PDE8B: variants seen among roughly 807,000 people sequenced by gnomAD.
PDE8B encodes phosphodiesterase 8B.
A neutral mutation model predicts 101.3 loss-of-function variants in PDE8B; 26 were observed. The observed-to-expected ratio is 0.26, with a 90% CI of 0.19 to 0.36. The LOEUF (loss-of-function observed/expected upper bound fraction) is 0.36, where lower values mean the gene tolerates loss of function less well. Ranked by LOEUF, PDE8B falls within the 10% of genes least tolerant of loss-of-function variation. The pLI is 1.00. For synonymous variants in PDE8B, 424 were observed against 429.3 expected (o/e 0.99, Z 0.15); for missense variants, 810 against 1,163.1 (o/e 0.70, Z 4.42).
At chr5:77,334,516 TGTGCTAGGCATGCCGGGGGC>T (rs1321271351) in intron 5 of PDE8B, among the ~76,000 whole-genome samples, 1 of 152,182 alleles carries the variant, frequency 6.6e-6, no homozygotes, top group Non-Finnish European at 1.5e-5. Context: ...CTCTGTGCAA[TGTGCTAGGCATGCCGGGGGC>T]ACAACTGTAG....
intron 12 of PDE8B, among the ~76,000 whole-genome samples, chr5:77,405,830 T>G (rs1247168792): frequency 6.6e-6 from 1 of 152,192 alleles, no homozygotes; most frequent in Non-Finnish European, 1.5e-5. Context: ...CATTTGATTT[T>G]TATTTGGCAA....
intron 20 of PDE8B, among the ~76,000 whole-genome samples, chr5:77,424,215 G>A (rs1017487591): frequency 9.2e-5 from 14 of 152,000 alleles, no homozygotes; most frequent in Non-Finnish European, 1.5e-5. Flanking sequence ...GGGCTTCCCC[G>A]GACCCACAGA....
intron 11 of PDE8B, among the ~76,000 whole-genome samples, chr5:77,403,050 T>A (rs1792636777): frequency 6.6e-6 from 1 of 152,208 alleles, no homozygotes; most frequent in South Asian, 2.1e-4. Flanking sequence ...GTAATCTGTG[T>A]TATGGTTAAA....
chr5:77,351,501 G>A (rs1263009349), intron 9 of PDE8B, among the ~76,000 whole-genome samples: 2 of 152,106 alleles, frequency 1.3e-5, no homozygotes, highest in Non-Finnish European at 2.9e-5. Flanking sequence ...TGCATAGGGA[G>A]CCAACCTTTT....
intron 10 of PDE8B, among the ~76,000 whole-genome samples, chr5:77,390,054 A>G (rs974662772): frequency 1.4e-4 from 22 of 152,182 alleles, no homozygotes; most frequent in African/African-American, 4.8e-4. Flanking sequence ...CCCTCCAACT[A>G]TGTATGAGAG....
At chr5:77,269,263 A>G (rs1184672475) in intron 1 of PDE8B, among the ~76,000 whole-genome samples, 1 of 151,974 alleles carries the variant, frequency 6.6e-6, no homozygotes, top group African/African-American at 2.4e-5. Flanking sequence ...CCTGTTTGCC[A>G]TTTGTATTTC....
chr5:77,210,552 G>A (rs1241102489), upstream of PDE8B: 4 of 892,942 alleles, frequency 4.5e-6, no homozygotes, highest in Non-Finnish European at 5.4e-6. This position sits in a 1 kb window ranked among gnomAD's most constrained non-coding sequence, Gnocchi z 4.9. Flanking sequence ...GGGTGCGGGA[G>A]CCCGGCGAGG....
chr5:77,172,916 G>A, the PDE8B span, among the ~76,000 whole-genome samples: 32 of 152,286 alleles, frequency 2.1e-4, no homozygotes, highest in Middle Eastern at 3.4e-3. Flanking sequence ...CACCCAAACA[G>A]TATGTAAGCA....
chr5:77,092,399 A>T, the PDE8B span: 1 of 152,196 alleles, frequency 6.6e-6, no homozygotes, highest in Non-Finnish European at 1.5e-5. Flanking sequence ...AGCAAAAAAA[A>T]ACAACCTTCA....
At chr5:77,169,421 G>A in the PDE8B span, among the ~76,000 whole-genome samples, 4 of 152,164 alleles carry the variant, frequency 2.6e-5, no homozygotes, top group African/African-American at 9.7e-5. Context: ...GACCCCCAAC[G>A]TCTGAGGTGG....
chr5:77,114,399 A>G, the PDE8B span: 2 of 152,176 alleles, frequency 1.3e-5, no homozygotes, highest in African/African-American at 4.8e-5. Flanking sequence ...TTCTCAGCAA[A>G]CTATCACAAG....
the PDE8B span, among the ~76,000 whole-genome samples, chr5:77,094,916 C>T: frequency 3.3e-4 from 51 of 152,312 alleles, no homozygotes; most frequent in African/African-American, 1.2e-3. Context: ...CCCCATGACT[C>T]ACATACCTCC....
intron 10 of PDE8B, among the ~76,000 whole-genome samples, chr5:77,380,179 T>C (rs971518187): frequency 4.6e-5 from 7 of 152,312 alleles, no homozygotes; most frequent in Middle Eastern, 3.4e-3. Flanking sequence ...AAAAAGTGGA[T>C]CAAAAATTTC....
At chr5:77,097,719 A>ATCTATATATATATATC in the PDE8B span, among the ~76,000 whole-genome samples, 1 of 43,232 alleles carries the variant, frequency 2.3e-5, no homozygotes, top group African/African-American at 4.6e-5. Flanking sequence ...ATATATATAT[A>ATCTATATATATATATC]TATATATATA....
At chr5:77,180,878 T>G in the PDE8B span, among the ~76,000 whole-genome samples, 3 of 152,148 alleles carry the variant, frequency 2.0e-5, no homozygotes, top group Non-Finnish European at 4.4e-5. Flanking sequence ...GTGGGGCCCC[T>G]GCATTCCTCC....
chr5:77,329,014 A>G lies in PDE8B; in HGVS notation c.607A>G (p.Asn203Asp), dbSNP rs745826346. Reference sequence around the variant, plus strand: ...TCATTGCAGGTCGATCCGGGCCACAAATCCCTCCGAGCACACGGTGATCCT... The same window carrying G: ...TCATTGCAGGTCGATCCGGGCCACAGATCCCTCCGAGCACACGGTGATCCT... Reference protein sequence around the residue: ...EAVCRSIRATNPSEHTVILAV... With the variant: ...EAVCRSIRATDPSEHTVILAV... The change falls in exon 4 of 22, where the codon AAT (asparagine) becomes GAT (aspartate). Residue 203 changes from asparagine to aspartate, a missense_variant. Physicochemically the swap from Asn to Asp is conservative, Grantham distance 23. Transcript: ENST00000264917. 1 of 1,614,092 alleles carries G rather than the reference A, an allele frequency of 6.2e-7. No individual in the cohort carries two copies. The highest frequency in any genetic ancestry group is 8.5e-7 in the Non-Finnish European group (1 of 1,179,946).
At chr5:77,124,595 AAAAG>A in the PDE8B span, among the ~76,000 whole-genome samples, 2,014 of 150,254 alleles carry the variant, frequency 0.013, 40 homozygotes, top group African/African-American at 0.043. Context: ...CAAAAAAAAA[AAAAG>A]AAAGAAAGAA....
chr5:77,421,505 A>T lies in PDE8B; in HGVS notation c.2251-316A>T, dbSNP rs575571208. On this transcript the variant is annotated intron_variant, in intron 19 of 21. Coordinates refer to ENST00000264917, the MANE Select transcript of PDE8B (RefSeq NM_003719.5). The stretch of plus-strand genomic sequence containing the variant: ...ACATATCAAATTGCTCAAAATAAAA[A>T]CAAAACTGCTGTAGCAGTTACCTCT... Among the ~76,000 whole-genome samples, 60 of 152,238 alleles carry T rather than the reference A, an allele frequency of 3.9e-4. 1 individual carries two copies. The highest frequency in any genetic ancestry group is 1.4e-3 in the African/African-American group (58 of 41,544).
chr5:77,375,516 C>A (rs1785892959), intron 10 of PDE8B, among the ~76,000 whole-genome samples: 1 of 152,186 alleles, frequency 6.6e-6, no homozygotes, highest in Non-Finnish European at 1.5e-5. Flanking sequence ...GGACATCAAA[C>A]TTCTCTTTGT....
Sources: gnomAD v4.1 joint callset for allele counts (sites outside exome capture counted in the v4.1 genomes callset) on GRCh38, gnomAD v4.1.1 for gene constraint, Gnocchi (gnomAD v3.1) non-coding constraint, MANE v1.5 for transcripts, NCBI Gene and HGNC (gene_info 2026-07-23, HGNC 2026-07-21) for gene names.